Variants in ZNF292 observed in about 807,000 individuals in gnomAD.
The protein encoded by ZNF292 is 16 zinc-finger domain protein.
In ZNF292, 26 loss-of-function variants were observed where a neutral mutation model predicts 217.9. The observed-to-expected ratio is 0.12, with a 90% CI of 0.09 to 0.17. The LOEUF (loss-of-function observed/expected upper bound fraction) is 0.17, where lower values mean the gene tolerates loss of function less well. Ranked by LOEUF, ZNF292 falls within the 10% of genes least tolerant of loss-of-function variation. The pLI is 1.00. For synonymous variants in ZNF292, 1,257 were observed against 1,124.1 expected (o/e 1.12, Z -2.37); for missense variants, 2,904 against 3,175.2 (o/e 0.91, Z 2.05).
At position 87,239,772 on chromosome 6, in the gene ZNF292, G is replaced by A. The variant is rs534991718; in HGVS notation, c.742-3703G>A. Among the ~76,000 whole-genome samples, 226 of 148,002 alleles carry A rather than the reference G, an allele frequency of 1.5e-3. 7 individuals are homozygous for A. Among genetic ancestry groups the A allele is most frequent in the Admixed American group, 6.1e-3 (91 of 14,948 alleles). The stretch of plus-strand genomic sequence containing the variant: ...CCAGATGGGGCGGTGGGGCAGAGGC[G>A]CTCCCCACATCTCAGACAATGGGCA... On this transcript the variant is annotated intron_variant, in intron 5 of 7. Transcript: ENST00000369577.
intron 1 of ZNF292, chr6:87,169,928 G>A (rs941311349): frequency 1.5e-4 from 26 of 170,118 alleles, no homozygotes; most frequent in Admixed American, 6.4e-4. Context: ...GATTACAGGC[G>A]TGAGCCACCG....
chr6:87,159,499 T>C (rs557376943), intron 1 of ZNF292, among the ~76,000 whole-genome samples: 125 of 141,574 alleles, frequency 8.8e-4, no homozygotes, highest in Admixed American at 1.8e-3. Context: ...TTCTTTCTTT[T>C]TTTTTTTTTT....
chr6:87,250,284 A>G (rs968637964), intron 7 of ZNF292, among the ~76,000 whole-genome samples: 7 of 89,022 alleles, frequency 7.9e-5, no homozygotes, highest in Non-Finnish European at 1.2e-4. Flanking sequence ...AAAAAAAAAT[A>G]AGCCAAACAT....
chr6:87,244,228 A>G (rs934581471), intron 6 of ZNF292, among the ~76,000 whole-genome samples: 3 of 152,216 alleles, frequency 2.0e-5, no homozygotes, highest in African/African-American at 4.8e-5. Context: ...AGGTAAATCA[A>G]TGGTTGTGTA....
At chr6:87,252,447 C>A (rs1424487315) in intron 7 of ZNF292, among the ~76,000 whole-genome samples, 1 of 152,194 alleles carries the variant, frequency 6.6e-6, no homozygotes, top group South Asian at 2.1e-4. Context: ...AGCCACCACA[C>A]CAGGCCTCTC....
In ZNF292 at chr6:87,255,901, A is replaced by G; in HGVS notation, c.2272A>G (p.Lys758Glu). The G allele has an allele frequency of 6.2e-7, 1 of 1,613,806 alleles. No individual in the cohort carries two copies. The highest frequency in any genetic ancestry group is 8.5e-7 in the Non-Finnish European group (1 of 1,179,840). Residue 758 changes from lysine to glutamate, a missense_variant, in exon 8 of 8, where the codon AAA becomes GAA. Lys to Glu is a moderately conservative substitution (Grantham distance 56). Transcript: ENST00000369577. ...KPYICIQMKC[K>E]AGFNSYAELL... ...ATATATCTGTATACAGATGAAATGTAAAGCTGGTTTTAATAGTTACGCCGA... is the reference window on the plus strand; with the variant it reads ...ATATATCTGTATACAGATGAAATGTGAAGCTGGTTTTAATAGTTACGCCGA...
At chr6:87,179,944 C>G (rs1771421185) in intron 1 of ZNF292, among the ~76,000 whole-genome samples, 1 of 152,028 alleles carries the variant, frequency 6.6e-6, no homozygotes, top group Admixed American at 6.6e-5. Flanking sequence ...ATGTTTTATT[C>G]TTTATGAAGA....
At chr6:87,195,267 A>C (rs1771921966) in intron 1 of ZNF292, among the ~76,000 whole-genome samples, 1 of 152,226 alleles carries the variant, frequency 6.6e-6, no homozygotes. Flanking sequence ...TTATAGCAAT[A>C]TGTAAACATT....
At chr6:87,171,765 A>G (rs1349317424) in intron 1 of ZNF292, among the ~76,000 whole-genome samples, 2 of 152,190 alleles carry the variant, frequency 1.3e-5, no homozygotes, top group East Asian at 1.9e-4. Flanking sequence ...GTATACTCAC[A>G]TGAATCTCAA....
rs57115253 is a variant in ZNF292, at chr6:87,216,108, GACACACACACACACACACACACACAC to G, written c.323+75_323+100del. ...CTAGATTTAGCTTTAAAAATACATAGACACACACACACACACACACACACACACACACACACACACACACACACAAC... is the reference window on the plus strand; with the variant it reads ...CTAGATTTAGCTTTAAAAATACATAGACACACACACACACACACACACAAC... On this transcript the variant is annotated intron_variant, in intron 2 of 7. Transcript: ENST00000369577. 59 of 516,066 alleles carry G rather than the reference GACACACACACACACACACACACACAC, an allele frequency of 1.1e-4. 2 individuals carry two copies. The Middle Eastern group carries it at 4.5e-3, about 39-fold the overall frequency. 32.0% of individuals were successfully genotyped at this position (516,066 alleles called of 1,614,324 possible).
chr6:87,247,625 A>G (rs1357083408), intron 7 of ZNF292, among the ~76,000 whole-genome samples: 1 of 152,206 alleles, frequency 6.6e-6, no homozygotes, highest in Admixed American at 6.5e-5. Flanking sequence ...TAGGAGGGAC[A>G]TATTGTCAAC....
intron 1 of ZNF292, 97 bp downstream of exon 1, chr6:87,155,856 G>A: frequency 7.2e-7 from 1 of 1,393,290 alleles, no homozygotes; most frequent in African/African-American, 1.5e-5. Context: ...CCGCTTCCTT[G>A]GCATCATCGG....
chr6:87,242,420 T>C (rs1774339690), intron 5 of ZNF292, among the ~76,000 whole-genome samples: 1 of 152,210 alleles, frequency 6.6e-6, no homozygotes, highest in Non-Finnish European at 1.5e-5. Context: ...TTTATCCTTA[T>C]TATCAAAGAT....
At chr6:87,247,258 C>T (rs1774644326) in intron 7 of ZNF292, among the ~76,000 whole-genome samples, 1 of 124,458 alleles carries the variant, frequency 8.0e-6, no homozygotes. Context: ...ACCACCGCCC[C>T]CTGCCACCCG....
chr6:87,211,575 T>C (rs1385038808), intron 1 of ZNF292, among the ~76,000 whole-genome samples: 1 of 152,206 alleles, frequency 6.6e-6, no homozygotes, highest in Non-Finnish European at 1.5e-5. Flanking sequence ...ATTTTTAATA[T>C]AAGCATATTA....
intron 4 of ZNF292, among the ~76,000 whole-genome samples, chr6:87,233,018 A>C (rs138309932): frequency 1.2e-3 from 183 of 152,230 alleles, no homozygotes; most frequent in African/African-American, 4.2e-3. Flanking sequence ...AAAAAAAATT[A>C]GTGTAATTTT....
chr6:87,156,008 C>A (rs1225192199), intron 1 of ZNF292, among the ~76,000 whole-genome samples: 2 of 152,262 alleles, frequency 1.3e-5, no homozygotes, highest in African/African-American at 2.4e-5. Context: ...CCTTTCCTTC[C>A]CTGAACTCGG....
intron 7 of ZNF292, among the ~76,000 whole-genome samples, chr6:87,251,222 A>G (rs1257726915): frequency 1.3e-5 from 2 of 152,232 alleles, no homozygotes; most frequent in Non-Finnish European, 2.9e-5. Flanking sequence ...TCAGACTGTG[A>G]AGTCCTTTTC....
At chr6:87,226,645 ATC>A (rs1562154636) in intron 4 of ZNF292, among the ~76,000 whole-genome samples, 2 of 113,172 alleles carry the variant, frequency 1.8e-5, no homozygotes, top group Admixed American at 2.1e-4. Flanking sequence ...ATATCTATAT[ATC>A]TATATATATA....
Sources: gnomAD v4.1 joint callset for allele counts (sites outside exome capture counted in the v4.1 genomes callset) on GRCh38, gnomAD v4.1.1 for gene constraint, MANE v1.5 for transcripts, NCBI Gene and HGNC (gene_info 2026-07-23, HGNC 2026-07-21) for gene names.